The following CNTNAP2 variants were observed in gnomAD, a reference collection of about 807,000 sequenced individuals.
The protein encoded by CNTNAP2 is contactin associated protein 2.
CNTNAP2 carries 98 observed loss-of-function variants against 155.2 expected under a neutral mutation model. The observed-to-expected ratio is 0.63, with a 90% CI of 0.54 to 0.75. The LOEUF (loss-of-function observed/expected upper bound fraction) is 0.75, where lower values mean the gene tolerates loss of function less well. Ranked by LOEUF, CNTNAP2 falls within the 30% of genes least tolerant of loss-of-function variation. The pLI, the probability that CNTNAP2 is intolerant of heterozygous loss-of-function variation, is 0.00. For synonymous variants in CNTNAP2, 651 were observed against 631.2 expected (o/e 1.03, Z -0.47); for missense variants, 1,727 against 1,688.1 (o/e 1.02, Z -0.40).
chr7:147,575,075 A>G (rs1800361581), intron 12 of CNTNAP2, among the ~76,000 whole-genome samples: 1 of 150,088 alleles, frequency 6.7e-6, no homozygotes, highest in Non-Finnish European at 1.5e-5. Context: ...TATTGCTAGT[A>G]TTGATTCATA....
rs532570959 is a variant in CNTNAP2, at chr7:146,233,826, T to C, written c.97+116853T>C. On this transcript the variant is annotated intron_variant, in intron 1 of 23. Coordinates refer to ENST00000361727, the MANE Select transcript of CNTNAP2 (RefSeq NM_014141.6). ...TTTTTTATGGCTGCATAGTATTCCATGGTGTATATGTGCCACATTTTCTTC... is the reference window on the plus strand; with the variant it reads ...TTTTTTATGGCTGCATAGTATTCCACGGTGTATATGTGCCACATTTTCTTC... 5.2e-3 allele frequency among the ~76,000 whole-genome samples: 790 copies of C among 151,728 alleles called. 6 individuals carry two copies. Among genetic ancestry groups the C allele is most frequent in the African/African-American group, 0.018 (747 of 41,392 alleles).
At chr7:148,174,535 T>C (rs752376438) in intron 18 of CNTNAP2, among the ~76,000 whole-genome samples, 2 of 152,182 alleles carry the variant, frequency 1.3e-5, no homozygotes, top group Non-Finnish European at 2.9e-5. Flanking sequence ...TTTGGGAGTA[T>C]AGGTCTATGC....
intron 1 of CNTNAP2, among the ~76,000 whole-genome samples, chr7:146,150,632 A>G (rs1356228051): frequency 1.3e-5 from 2 of 151,878 alleles, no homozygotes; most frequent in Non-Finnish European, 2.9e-5. Flanking sequence ...TCTAATTCTT[A>G]TATTTCTGAT....
intron 18 of CNTNAP2, among the ~76,000 whole-genome samples, chr7:148,180,886 G>A (rs897699782): frequency 1.3e-5 from 2 of 152,216 alleles, no homozygotes; most frequent in Admixed American, 1.3e-4. Flanking sequence ...ACATTAGCAT[G>A]TGGGTCTGAG....
In CNTNAP2 at chr7:147,382,636, T is replaced by G. The variant is rs77863710; in HGVS notation, c.1499-12973T>G. Among the ~76,000 whole-genome samples, 1,351 of 152,144 alleles carry G rather than the reference T, an allele frequency of 8.9e-3. 23 individuals are homozygous for G. Among genetic ancestry groups the G allele is most frequent in the African/African-American group, 0.031 (1,295 of 41,504 alleles). On this transcript the variant is annotated intron_variant, in intron 9 of 23. Coordinates refer to ENST00000361727, the MANE Select transcript of CNTNAP2 (RefSeq NM_014141.6). ...AGAGGAGAGAGCTGAGACAGAGATA[T>G]GATTAGAGACATCCTCCCATAGTTG...
At chr7:146,538,487 G>A (rs1021944264) in intron 1 of CNTNAP2, among the ~76,000 whole-genome samples, 2 of 152,050 alleles carry the variant, frequency 1.3e-5, no homozygotes, top group East Asian at 3.9e-4. Flanking sequence ...CATAGCCACA[G>A]TGGGCAATCT....
intron 15 of CNTNAP2, among the ~76,000 whole-genome samples, chr7:148,059,853 A>G (rs1803100148): frequency 6.6e-6 from 1 of 151,744 alleles, no homozygotes; most frequent in Admixed American, 6.6e-5. Context: ...GCAAATTAAT[A>G]CTTGAGTGCA....
At position 148,420,797 on chromosome 7, in the gene CNTNAP2, G is replaced by A. The variant is rs1330619106; in HGVS notation, c.*5181G>A. On this transcript the variant is annotated 3_prime_UTR_variant, in exon 24 of 24. Transcript: ENST00000361727. ...AAAAGCTGGGCTAAATATTCTTTCT[G>A]TAAAGTCAAACAGGATTCCATCCCC... is the stretch of plus-strand genomic sequence containing the variant. The A allele has an allele frequency of 6.6e-6, 1 of 152,538 alleles. No individual in the cohort carries two copies. The highest frequency in any genetic ancestry group is 1.5e-5 in the Non-Finnish European group (1 of 68,028). The allele number at this position is 152,538 out of a possible 1,614,324, so 9.4% of individuals were successfully genotyped here.
chr7:146,899,250 T>A (rs1795943600), intron 3 of CNTNAP2, among the ~76,000 whole-genome samples: 1 of 152,118 alleles, frequency 6.6e-6, no homozygotes, highest in Non-Finnish European at 1.5e-5. Context: ...CTTCCCAAAT[T>A]CCATCTCCAT....
At chr7:147,149,863 A>T (rs1801791436) in intron 8 of CNTNAP2, among the ~76,000 whole-genome samples, 1 of 152,226 alleles carries the variant, frequency 6.6e-6, no homozygotes, top group Admixed American at 6.5e-5. Flanking sequence ...AGCCATGTAT[A>T]TGAAGAGAAG....
At chr7:146,153,867 CTA>C (rs36019965) in intron 1 of CNTNAP2, among the ~76,000 whole-genome samples, 14,584 of 152,108 alleles carry the variant, frequency 0.096, 746 homozygotes, top group Middle Eastern at 0.17. Context: ...AGTACATTTT[CTA>C]TGTCTAAAGG....
chr7:146,748,011 C>T (rs1295509171), intron 1 of CNTNAP2, among the ~76,000 whole-genome samples: 1 of 147,952 alleles, frequency 6.8e-6, no homozygotes, highest in East Asian at 1.9e-4. Flanking sequence ...GTCTTTTCTC[C>T]TTTTTTTAAA....
At chr7:146,453,787 C>T (rs534953364) in intron 1 of CNTNAP2, among the ~76,000 whole-genome samples, 18 of 152,186 alleles carry the variant, frequency 1.2e-4, no homozygotes, top group African/African-American at 4.1e-4. Flanking sequence ...TAGGCTGTGA[C>T]TGTTGGCAGC....
intron 1 of CNTNAP2, among the ~76,000 whole-genome samples, chr7:146,766,157 C>A (rs1363987364): frequency 6.6e-6 from 1 of 151,962 alleles, no homozygotes; most frequent in Non-Finnish European, 1.5e-5. Context: ...AGATAAAGAT[C>A]GAAGCAGGAA....
chr7:147,650,719 T>G (rs915980546), intron 13 of CNTNAP2, among the ~76,000 whole-genome samples: 23 of 152,140 alleles, frequency 1.5e-4, no homozygotes, highest in African/African-American at 5.5e-4. Context: ...TAGTTAAGTT[T>G]GTGGGGAGTC....
In CNTNAP2 at chr7:146,217,653, T is replaced by A. The variant is rs77013342; in HGVS notation, c.97+100680T>A. Among the ~76,000 whole-genome samples the A allele has an allele frequency of 6.8e-3, 1,034 of 152,268 alleles. 7 individuals are homozygous for A. Among genetic ancestry groups the A allele is most frequent in the Non-Finnish European group, 8.5e-3 (575 of 68,016 alleles). On this transcript the variant is annotated intron_variant, in intron 1 of 23. Coordinates refer to ENST00000361727, the MANE Select transcript of CNTNAP2 (RefSeq NM_014141.6). ...TGTGTTATGAAATAATATGTGCCCA[T>A]GTGAAAGAAATATATAGACAAAATT...
chr7:146,742,658 A>G (rs1206848502), intron 1 of CNTNAP2, among the ~76,000 whole-genome samples: 3 of 152,170 alleles, frequency 2.0e-5, no homozygotes, highest in East Asian at 1.9e-4. Context: ...GGGAATGAAG[A>G]AGATTTAAGT....
intron 10 of CNTNAP2, among the ~76,000 whole-genome samples, chr7:147,444,928 T>G (rs991367761): frequency 1.6e-4 from 25 of 151,938 alleles, no homozygotes; most frequent in African/African-American, 5.8e-4. Flanking sequence ...ATAATCATGG[T>G]GGAAGGGTAA....
At chr7:147,086,488 G>A (rs1055435233) in intron 4 of CNTNAP2, among the ~76,000 whole-genome samples, 2 of 151,822 alleles carry the variant, frequency 1.3e-5, no homozygotes, top group African/African-American at 4.8e-5. Context: ...CCAGAATGGA[G>A]TGCAATGGCA....
Sources: gnomAD v4.1 joint callset for allele counts (sites outside exome capture counted in the v4.1 genomes callset) on GRCh38, gnomAD v4.1.1 for gene constraint, MANE v1.5 for transcripts, NCBI Gene and HGNC (gene_info 2026-07-23, HGNC 2026-07-21) for gene names.